DNAJC22: variants seen among roughly 807,000 people sequenced by gnomAD.
The protein encoded by DNAJC22 is DnaJ heat shock protein family (Hsp40) member C22.
Under a neutral mutation model 22.2 loss-of-function variants are expected in DNAJC22, and 24 were observed. The ratio of observed to expected loss-of-function variants is 1.08; its 90% CI spans 0.78 to 1.52. DNAJC22 has a LOEUF of 1.52. Ranked by LOEUF, DNAJC22 falls within the 40% of genes most tolerant of loss-of-function variation. The probability of loss-of-function intolerance (pLI) is 0.00; values close to 1 mark genes in which losing one functional copy is unlikely to be tolerated. For missense variants in DNAJC22, 434 were observed against 421.7 expected, an observed-to-expected ratio of 1.03 and a Z score of -0.26; for synonymous variants, 160 against 167.4, an observed-to-expected ratio of 0.96 and a Z score of 0.34.
Position 49,349,499 on chromosome 12 carries a change from C to A in DNAJC22, c.627C>A (p.Ser209Arg). The A allele has an allele frequency of 1.2e-6, 2 of 1,614,246 alleles. No individual in the cohort carries two copies. Residue 209 changes from serine to arginine, a missense_variant, in exon 3 of 4, where the codon AGC becomes AGA. Coordinates refer to ENST00000549441, the MANE Select transcript of DNAJC22 (RefSeq NM_001304944.2). Reference sequence around the variant, plus strand: ...TCTGCAACACAGCTGCCACCCTCAGCTATGTGGCAGAAACCTTTGGCTCCT... The same window carrying A: ...TCTGCAACACAGCTGCCACCCTCAGATATGTGGCAGAAACCTTTGGCTCCT... ...SALCNTAATL[S>R]YVAETFGSFL...
At position 49,351,604 on chromosome 12, in the gene DNAJC22, A is replaced by T. The variant is rs1943786216; in HGVS notation, c.*102A>T. 2 of 1,314,220 alleles carry T rather than the reference A, an allele frequency of 1.5e-6. No homozygotes were observed. The highest frequency in any genetic ancestry group is 2.0e-6 in the Non-Finnish European group (2 of 993,266). 81.4% of individuals were successfully genotyped at this position (1,314,220 alleles called of 1,614,324 possible). ...ATGGCATCCCAACAGAGTTAAAGAA[A>T]CTGCTTGCAGGGGCTGGGCGTGGTG... On this transcript the variant is annotated 3_prime_UTR_variant, in exon 4 of 4. Transcript: ENST00000549441.
chr12:49,351,250 G>A (rs993492371), intron 3 of DNAJC22, 67 bp from the exon 4 acceptor site: 3 of 1,607,114 alleles, frequency 1.9e-6, no homozygotes, highest in Admixed American at 1.7e-5. Flanking sequence ...TAGCAAAGGT[G>A]CAAGGAGAGG....
At position 49,349,731 on chromosome 12, in the gene DNAJC22, A is replaced by C. The variant is rs1307859326; in HGVS notation, c.840+19A>C. 6.2e-7 allele frequency: 1 copy of C among 1,613,914 alleles called. No homozygotes were observed. Among genetic ancestry groups the C allele is most frequent in the Non-Finnish European group, 8.5e-7 (1 of 1,179,984 alleles). On this transcript the variant is annotated intron_variant, in intron 3 of 3. Transcript: ENST00000549441. ...TTACCAGGTAAGGCTTTCTTCCCTC[A>C]GTCCTGTCCGGTGGCTCTGGTGGCC...
intron 3 of DNAJC22, 155 bp from the exon 4 acceptor site, chr12:49,351,162 G>T: frequency 7.0e-7 from 1 of 1,436,214 alleles, no homozygotes; most frequent in Non-Finnish European, 9.1e-7. Context: ...ACTCTATAAG[G>T]CTGGAATTCT....
chr12:49,350,355 G>A (rs1188973537), intron 3 of DNAJC22, among the ~76,000 whole-genome samples: 2 of 152,024 alleles, frequency 1.3e-5, no homozygotes, highest in Non-Finnish European at 2.9e-5. Context: ...GGGATTACAG[G>A]CGTGAGCCAC....
At chr12:49,350,860 T>C (rs889333380) in intron 3 of DNAJC22, among the ~76,000 whole-genome samples, 1 of 152,234 alleles carries the variant, frequency 6.6e-6, no homozygotes, top group African/African-American at 2.4e-5. Flanking sequence ...AGTATCCCAT[T>C]GTATGATTAT....
rs1277038946 is a variant in DNAJC22, at chr12:49,352,890, G to A, written c.*1388G>A. On this transcript the variant is annotated 3_prime_UTR_variant, in exon 4 of 4. Coordinates refer to ENST00000549441, the MANE Select transcript of DNAJC22 (RefSeq NM_001304944.2). ...CAGGTCTTCCCAGTATTTGAGGTCT[G>A]ATTCTGGGCTACATACCCTACTCCT... The A allele has an allele frequency of 1.3e-5, 2 of 152,152 alleles. No individual in the cohort carries two copies. Among genetic ancestry groups the A allele is most frequent in the Non-Finnish European group, 2.9e-5 (2 of 68,038 alleles). 9.4% of individuals were successfully genotyped at this position (152,152 alleles called of 1,614,324 possible). A position where few individuals can be genotyped will look rare whatever the true frequency, so the allele number is the denominator to read the frequency against.
rs1271161571 is a variant in DNAJC22, at chr12:49,349,518, G to C, written c.646G>C (p.Gly216Arg). The C allele has an allele frequency of 6.2e-7, 1 of 1,614,192 alleles. No individual in the cohort carries two copies. Among genetic ancestry groups the C allele is most frequent in the East Asian group, 2.2e-5 (1 of 44,874 alleles). ...ATLSYVAETF[G>R]SFLNWFSFFP... The stretch of plus-strand genomic sequence containing the variant: ...CCTCAGCTATGTGGCAGAAACCTTT[G>C]GCTCCTTCTTGAATTGGTTCAGCTT... The change falls in exon 3 of 4, where the codon GGC becomes CGC. Residue 216 changes from glycine to arginine, a missense_variant. Transcript: ENST00000549441.
At position 49,347,126 on chromosome 12, in the gene DNAJC22, C is replaced by T. The variant is rs961239122; in HGVS notation, c.-995C>T. On this transcript the variant is annotated 5_prime_UTR_variant, in exon 1 of 4. Transcript: ENST00000549441. ...CTTAGCCAAGTTCACGGAGTAGAAC[C>T]CGGGATTGGAGCCCGGGACATTGAA... is the stretch of plus-strand genomic sequence containing the variant. 2 of 152,256 alleles carry T rather than the reference C, an allele frequency of 1.3e-5. No individual in the cohort carries two copies. The highest frequency in any genetic ancestry group is 4.8e-5 in the African/African-American group (2 of 41,462). The allele number at this position is 152,256 out of a possible 1,614,324, so 9.4% of individuals were successfully genotyped here.
At chr12:49,349,813 G>C in intron 3 of DNAJC22, 101 bp downstream of exon 3, 3 of 1,559,696 alleles carry the variant, frequency 1.9e-6, no homozygotes, top group Non-Finnish European at 2.6e-6. Context: ...GGATATTCTG[G>C]CTTCTTTGGA....
In DNAJC22 at chr12:49,347,926, G is replaced by A. The variant is rs1943719935; in HGVS notation, c.-287G>A. ...GTCCCAGGCGGGAATGTGATCCCCAGGGGGCCGGGGAGGGCCCTGGGGAGG... is the reference window on the plus strand; with the variant it reads ...GTCCCAGGCGGGAATGTGATCCCCAAGGGGCCGGGGAGGGCCCTGGGGAGG... On this transcript the variant is annotated 5_prime_UTR_variant, in exon 2 of 4. Coordinates refer to ENST00000549441, the MANE Select transcript of DNAJC22 (RefSeq NM_001304944.2). 6.6e-6 allele frequency: 1 copy of A among 152,368 alleles called. No homozygotes were observed. The highest frequency in any genetic ancestry group is 2.1e-4 in the South Asian group (1 of 4,844). 9.4% of individuals were successfully genotyped at this position (152,368 alleles called of 1,614,324 possible).
Position 49,349,097 on chromosome 12 carries a change from T to C in DNAJC22, c.225T>C (p.Pro75=). Residue 75 remains proline, a synonymous_variant, in exon 3 of 4, where the codon CCT becomes CCC. Transcript: ENST00000549441. ...QRQSPRGVTP[P]LSPIRFAAQV... is the part of the protein sequence containing the mutation. ...AGAGCCCCAGAGGGGTGACACCCCC[T>C]CTGAGTCCCATTCGCTTTGCTGCCC... The C allele has an allele frequency of 1.2e-6, 2 of 1,614,192 alleles. No homozygotes were observed. The highest frequency in any genetic ancestry group is 8.5e-7 in the Non-Finnish European group (1 of 1,180,022).
rs780121254 is a variant in DNAJC22 at position 49,348,988 on chromosome 12, G to T, written c.116G>T (p.Gly39Val). 10 of 1,559,598 alleles carry T rather than the reference G, an allele frequency of 6.4e-6. No homozygotes were observed. The highest frequency in any genetic ancestry group is 2.2e-5 in the East Asian group (1 of 44,624). ...SHALLWMLTL[G>V]GGGLGWLWEF... The stretch of plus-strand genomic sequence containing the variant: ...GCCCTGCTCTGGATGCTGACCCTGG[G>T]GGGAGGTGGGCTGGGCTGGCTCTGG... The change falls in exon 3 of 4, where the codon GGG becomes GTG. Residue 39 changes from glycine (G) to valine (V), a missense_variant. Gly to Val is a moderately radical substitution (Grantham distance 109). Transcript: ENST00000549441.
intron 3 of DNAJC22, 100 bp from the exon 4 acceptor site, chr12:49,351,217 T>G: frequency 6.4e-7 from 1 of 1,574,606 alleles, no homozygotes; most frequent in South Asian, 1.2e-5. Flanking sequence ...AGAAGCCAAT[T>G]CTAGAGATAT....
In DNAJC22 at chr12:49,353,553, G is replaced by A. The variant is rs562293534; in HGVS notation, c.*2051G>A. The A allele has an allele frequency of 6.6e-6, 1 of 152,244 alleles. No homozygotes were observed. The highest frequency in any genetic ancestry group is 2.1e-4 in the South Asian group (1 of 4,818). The allele number at this position is 152,244 out of a possible 1,614,324, so 9.4% of individuals were successfully genotyped here. A position where few individuals can be genotyped will look rare whatever the true frequency, so the allele number is the denominator to read the frequency against. On this transcript the variant is annotated 3_prime_UTR_variant, in exon 4 of 4. Transcript: ENST00000549441. Reference sequence around the variant, plus strand: ...AGTCCCAGCTAAGGAGGCTGAGATTGGGAGGATCACTTGAACCCAAAAGGT... The same window carrying A: ...AGTCCCAGCTAAGGAGGCTGAGATTAGGAGGATCACTTGAACCCAAAAGGT...
chr12:49,349,010 C>G lies in DNAJC22; in HGVS notation c.138C>G (p.Leu46=). ...LTLGGGGLGW[L]WEFWKLPSFV... ...TGGGGGGAGGTGGGCTGGGCTGGCT[C>G]TGGGAGTTCTGGAAGCTCCCAAGCT... Residue 46 remains leucine, a synonymous_variant, in exon 3 of 4, where the codon CTC becomes CTG. Coordinates refer to ENST00000549441, the MANE Select transcript of DNAJC22 (RefSeq NM_001304944.2). 1 of 1,582,380 alleles carries G rather than the reference C, an allele frequency of 6.3e-7. No homozygotes were observed. Among genetic ancestry groups the G allele is most frequent in the Non-Finnish European group, 8.6e-7 (1 of 1,165,064 alleles).
rs1565682258 is a variant in DNAJC22, at chr12:49,352,550, A to AAGTAAG, written c.*1048_*1049insAGTAAG. ...ATTAAATAAATAAATAAGTAAGTAA[A>AAGTAAG]TAAATAAATAAATAAATGTATAAAG... is the stretch of plus-strand genomic sequence containing the variant. On this transcript the variant is annotated 3_prime_UTR_variant, in exon 4 of 4. Transcript: ENST00000549441. 1 of 149,492 alleles carries AAGTAAG rather than the reference A, an allele frequency of 6.7e-6. No individual in the cohort carries two copies. The highest frequency in any genetic ancestry group is 6.6e-5 in the Admixed American group (1 of 15,138). 9.3% of individuals were successfully genotyped at this position (149,492 alleles called of 1,614,324 possible). A position where few individuals can be genotyped will look rare whatever the true frequency, so the allele number is the denominator to read the frequency against.
intron 3 of DNAJC22, among the ~76,000 whole-genome samples, chr12:49,351,007 GGAAGAGATC>G (rs1390055429): frequency 2.0e-5 from 3 of 152,112 alleles, no homozygotes; most frequent in African/African-American, 7.2e-5. Context: ...TCTTTTGTGG[GGAAGAGATC>G]TTGCCAGGGA....
Position 49,349,723 on chromosome 12 carries a change from C to A in DNAJC22, c.840+11C>A, listed in dbSNP as rs1943755324. 1 of 1,613,972 alleles carries A rather than the reference C, an allele frequency of 6.2e-7. No homozygotes were observed. The highest frequency in any genetic ancestry group is 8.5e-7 in the Non-Finnish European group (1 of 1,180,044). On this transcript the variant is annotated intron_variant, in intron 3 of 3. Coordinates refer to ENST00000549441, the MANE Select transcript of DNAJC22 (RefSeq NM_001304944.2). ...CAGCTGGCTTACCAGGTAAGGCTTT[C>A]TTCCCTCAGTCCTGTCCGGTGGCTC...
Sources: gnomAD v4.1 joint callset for allele counts (sites outside exome capture counted in the v4.1 genomes callset) on GRCh38, gnomAD v4.1.1 for gene constraint, MANE v1.5 for transcripts, NCBI Gene and HGNC (gene_info 2026-07-23, HGNC 2026-07-21) for gene names.